Variants in ARSK observed in about 807,000 individuals in gnomAD.
ARSK encodes arylsulfatase family member K.
In ARSK, 37 loss-of-function variants were observed where a neutral mutation model predicts 53.2. The ratio of observed to expected loss-of-function variants is 0.70; its 90% CI spans 0.54 to 0.92. The LOEUF is 0.92. Ranked by LOEUF, ARSK falls within the 40% of genes least tolerant of loss-of-function variation. The pLI is 0.00. For missense variants in ARSK, 613 were observed against 643.0 expected, an observed-to-expected ratio of 0.95 and a Z score of 0.51; for synonymous variants, 208 against 223.2, an observed-to-expected ratio of 0.93 and a Z score of 0.61.
chr5:95,566,228 C>A, intron 2 of ARSK, 101 bp downstream of exon 2: 8 of 1,415,324 alleles, frequency 5.7e-6, no homozygotes, highest in South Asian at 1.4e-5. Context: ...TTGTATTTGG[C>A]CTCAATAAAA....
At chr5:95,599,559 C>T (rs556064170) in intron 6 of ARSK, among the ~76,000 whole-genome samples, 216 of 152,256 alleles carry the variant, frequency 1.4e-3, no homozygotes, top group African/African-American at 4.7e-3. Flanking sequence ...GCTTCTCTCC[C>T]GGGCACATCC....
intron 1 of ARSK, among the ~76,000 whole-genome samples, chr5:95,562,187 G>T (rs1748647344): frequency 6.6e-6 from 1 of 152,010 alleles, no homozygotes; most frequent in Non-Finnish European, 1.5e-5. Context: ...CTCCAGCCTT[G>T]GTGACAGGGT....
chr5:95,568,125 T>C, intron 3 of ARSK, 76 bp downstream of exon 3: 4 of 1,396,926 alleles, frequency 2.9e-6, no homozygotes, highest in Non-Finnish European at 3.8e-6. Context: ...TTGACTTTAA[T>C]TTTTTTATTT....
intron 3 of ARSK, among the ~76,000 whole-genome samples, chr5:95,572,605 C>T (rs1490366039): frequency 2.0e-5 from 3 of 152,074 alleles, no homozygotes; most frequent in Non-Finnish European, 4.4e-5. Flanking sequence ...GGTGAAACCC[C>T]GTCTCTACTA....
At chr5:95,584,317 T>C (rs1561366209) in intron 4 of ARSK, among the ~76,000 whole-genome samples, 1 of 152,228 alleles carries the variant, frequency 6.6e-6, no homozygotes, top group African/African-American at 2.4e-5. Context: ...CAGTGATTTA[T>C]ACTAAAGAGC....
intron 4 of ARSK, 57 bp from the exon 5 acceptor site, chr5:95,586,505 G>C: frequency 7.5e-7 from 1 of 1,324,820 alleles, no homozygotes; most frequent in Non-Finnish European, 1.1e-6. Context: ...ATACTTATTG[G>C]AGGAAAGAAA....
At chr5:95,599,886 A>G (rs1406684812) in intron 6 of ARSK, among the ~76,000 whole-genome samples, 2 of 152,204 alleles carry the variant, frequency 1.3e-5, no homozygotes, top group African/African-American at 4.8e-5. Flanking sequence ...AATTTCTAAC[A>G]TTACAGATAT....
chr5:95,557,917 C>A (rs373447109), intron 1 of ARSK, among the ~76,000 whole-genome samples: 7 of 152,200 alleles, frequency 4.6e-5, no homozygotes, highest in African/African-American at 9.6e-5. Context: ...GGTCATACAC[C>A]AAATGAAGAA....
intron 5 of ARSK, among the ~76,000 whole-genome samples, chr5:95,586,947 G>C (rs932579700): frequency 1.3e-5 from 2 of 152,058 alleles, no homozygotes; most frequent in African/African-American, 4.8e-5. Context: ...TAAATGCTCA[G>C]ATTTATTCAC....
chr5:95,560,979 A>G (rs1452793074), intron 1 of ARSK, among the ~76,000 whole-genome samples: 1 of 151,668 alleles, frequency 6.6e-6, no homozygotes, highest in African/African-American at 2.4e-5. Context: ...TAATTTTTTA[A>G]TTTTTATTTT....
chr5:95,604,253 G>A lies in ARSK; in HGVS notation c.*727G>A, dbSNP rs1749463038. ...GAGTATTTGGAGTATTTAACGGGATGTAAACCCTGGATGTACCTGATTTTG... is the reference window on the plus strand; with the variant it reads ...GAGTATTTGGAGTATTTAACGGGATATAAACCCTGGATGTACCTGATTTTG... On this transcript the variant is annotated 3_prime_UTR_variant, in exon 8 of 8. Transcript: ENST00000380009. The A allele has an allele frequency of 6.6e-6, 1 of 152,176 alleles. No individual in the cohort carries two copies. The highest frequency in any genetic ancestry group is 2.1e-4 in the South Asian group (1 of 4,822). 9.4% of individuals were successfully genotyped at this position (152,176 alleles called of 1,614,324 possible).
chr5:95,597,984 G>A lies in ARSK; in HGVS notation c.1097-2863G>A, dbSNP rs565890812. On this transcript the variant is annotated intron_variant, in intron 6 of 7. Transcript: ENST00000380009. ...GGTGAACAATTAAATGTTAGATATGGTTATCATTAATATGTTTAATTCTTC... is the reference window on the plus strand; with the variant it reads ...GGTGAACAATTAAATGTTAGATATGATTATCATTAATATGTTTAATTCTTC... 1.1e-4 allele frequency among the ~76,000 whole-genome samples: 17 copies of A among 152,094 alleles called. 1 individual carries two copies. Among genetic ancestry groups the A allele is most frequent in the African/African-American group, 3.4e-4 (14 of 41,448 alleles).
At chr5:95,586,788 AAC>A in intron 5 of ARSK, 55 bp downstream of exon 5, 1 of 1,429,706 alleles carries the variant, frequency 7.0e-7, no homozygotes. Context: ...ATATTTTTCC[AAC>A]AGTCTGTAAT....
chr5:95,560,047 CTT>C (rs1748601140), intron 1 of ARSK, among the ~76,000 whole-genome samples: 1 of 151,978 alleles, frequency 6.6e-6, no homozygotes, highest in Non-Finnish European at 1.5e-5. Flanking sequence ...GATTAACACA[CTT>C]ATAGTCAAAT....
intron 6 of ARSK, among the ~76,000 whole-genome samples, chr5:95,597,163 T>A (rs984509404): frequency 2.0e-5 from 3 of 152,176 alleles, no homozygotes; most frequent in Admixed American, 6.5e-5. Flanking sequence ...TTAAAATTGT[T>A]TTGATTTTTA....
intron 6 of ARSK, 25 bp from the exon 7 acceptor site, chr5:95,600,817 TTAAGA>T: frequency 6.4e-7 from 1 of 1,568,786 alleles, no homozygotes; most frequent in South Asian, 1.1e-5. Flanking sequence ...ATGAGCTATT[TTAAGA>T]TATTTGGTTA....
At chr5:95,556,232 G>C (rs1399827486) in intron 1 of ARSK, 4 of 702,098 alleles carry the variant, frequency 5.7e-6, no homozygotes, top group African/African-American at 1.7e-5. Flanking sequence ...AAATTACATA[G>C]TCTGGATGTG....
chr5:95,591,498 G>GT lies in ARSK; in HGVS notation c.973dup (p.Tyr325LeufsTer2). On this transcript the variant is annotated frameshift_variant, in exon 6 of 8. Transcript: ENST00000380009. LOFTEE classifies it high-confidence loss of function. Reference sequence around the variant, plus strand: ...GAGAGCTGGCCATGGAACATCGACAGTTTTATAAAATGAGCATGTACGAGG... The same window carrying GT: ...GAGAGCTGGCCATGGAACATCGACAGTTTTTATAAAATGAGCATGTACGAGG... The GT allele has an allele frequency of 1.9e-6, 3 of 1,614,126 alleles. No homozygotes were observed. The highest frequency in any genetic ancestry group is 2.5e-6 in the Non-Finnish European group (3 of 1,180,002).
At chr5:95,580,235 GA>G (rs1748998850) in intron 3 of ARSK, among the ~76,000 whole-genome samples, 1 of 146,170 alleles carries the variant, frequency 6.8e-6, no homozygotes, top group Non-Finnish European at 1.5e-5. Flanking sequence ...AAAATACATA[GA>G]AATGGAATGG....
Sources: allele counts gnomAD v4.1 joint callset (sites outside exome capture counted in the v4.1 genomes callset), GRCh38; gene constraint gnomAD v4.1.1; transcripts MANE v1.5; gene names NCBI Gene and HGNC (gene_info 2026-07-23, HGNC 2026-07-21).